The following MZT2A variants were observed in gnomAD, a reference collection of about 807,000 sequenced individuals.
MZT2A encodes mitotic-spindle organizing protein 2A.
A neutral mutation model predicts 12.4 loss-of-function variants in MZT2A; 8 were observed. The observed-to-expected ratio is 0.64, with a 90% CI of 0.38 to 1.16. The LOEUF is 1.16. Ranked by LOEUF, MZT2A falls within the 50% of genes most tolerant of loss-of-function variation. The pLI, the probability that MZT2A is intolerant of heterozygous loss-of-function variation, is 0.01. For missense variants in MZT2A, 181 were observed against 223.6 expected, an observed-to-expected ratio of 0.81 and a Z score of 1.22; for synonymous variants, 88 against 107.5, an observed-to-expected ratio of 0.82 and a Z score of 1.12.
At chr2:131,482,850 G>A (rs767879321), downstream of MZT2A, 8 of 1,612,196 alleles carry the variant, frequency 5.0e-6, no homozygotes, top group East Asian at 1.3e-4. Context: ...GAATACTGAG[G>A]GGAGGGTGTG....
downstream of MZT2A, chr2:131,480,236 G>A (rs768939800): frequency 6.2e-7 from 1 of 1,613,774 alleles, no homozygotes; most frequent in East Asian, 2.2e-5. Context: ...CCACAGCCGT[G>A]GTGGAGCCCT....
chr2:131,490,680 A>T (rs927932952), intron 2 of MZT2A: 1 of 1,549,340 alleles, frequency 6.5e-7, no homozygotes, highest in Non-Finnish European at 8.7e-7. Context: ...AAGGAAGAGC[A>T]CCAACCCCCA....
At chr2:131,478,834 A>G (rs568200733) in intron 2 of MZT2A, 2 of 214,256 alleles carry the variant, frequency 9.3e-6, no homozygotes, top group African/African-American at 4.6e-5. Flanking sequence ...AAGGAGAGCT[A>G]CAAAGAGGCA....
chr2:131,475,312 T>G (rs1306641620), intron 2 of MZT2A, among the ~76,000 whole-genome samples: 1 of 137,256 alleles, frequency 7.3e-6, no homozygotes, highest in African/African-American at 2.9e-5. Flanking sequence ...TTTTGCCTCC[T>G]TTCTTCCTTT....
chr2:131,480,474 C>G, downstream of MZT2A: 1 of 1,588,178 alleles, frequency 6.3e-7, no homozygotes, highest in Non-Finnish European at 8.5e-7. Flanking sequence ...CAACCTAGTG[C>G]CGTACCCCCG....
At chr2:131,493,000 G>C, upstream of MZT2A, 1 of 1,514,936 alleles carries the variant, frequency 6.6e-7, no homozygotes, top group Admixed American at 2.1e-5. Context: ...ACCTTTTGAG[G>C]TAACGGCCCA....
chr2:131,486,770 A>T (rs1167647924), intron 2 of MZT2A, among the ~76,000 whole-genome samples: 4 of 152,062 alleles, frequency 2.6e-5, no homozygotes, highest in Non-Finnish European at 5.9e-5. Context: ...GACTACAAGC[A>T]TGGGGCCACA....
chr2:131,483,840 G>C (rs1490828659), downstream of MZT2A: 6 of 1,060,204 alleles, frequency 5.7e-6, no homozygotes, highest in Non-Finnish European at 6.1e-6. Context: ...TCAGGTTCAG[G>C]AAGTTGACCC....
At chr2:131,471,139 C>T (rs1278565189) in intron 3 of MZT2A, among the ~76,000 whole-genome samples, 2 of 138,788 alleles carry the variant, frequency 1.4e-5, no homozygotes, top group Non-Finnish European at 3.0e-5. Flanking sequence ...GGGCGGCTCC[C>T]ACATGGGGAG....
downstream of MZT2A, chr2:131,480,509 T>C (rs138331264): frequency 0.029 from 44,115 of 1,516,206 alleles, 7,698 homozygotes; most frequent in African/African-American, 0.24. Flanking sequence ...TGGCCACCTA[T>C]GCCCCAGTCA....
At chr2:131,493,157 G>C, upstream of MZT2A, 1 of 1,436,690 alleles carries the variant, frequency 7.0e-7, no homozygotes, top group Non-Finnish European at 9.1e-7. Flanking sequence ...GGCGCGGGAC[G>C]CGCGCGTGAG....
chr2:131,490,063 C>T (rs777276839), intron 2 of MZT2A: 3 of 859,468 alleles, frequency 3.5e-6, no homozygotes, highest in Non-Finnish European at 4.2e-6. Context: ...TTCAGGCCCT[C>T]TCCACCCTCT....
At chr2:131,480,621 G>A (rs1678827406), downstream of MZT2A, 10 of 1,613,568 alleles carry the variant, frequency 6.2e-6, no homozygotes, top group East Asian at 2.2e-5. Context: ...CCCTCGCCAC[G>A]GCAAGTACAT....
At chr2:131,492,796 G>GGGGGGGGGCC, upstream of MZT2A, 1 of 853,304 alleles carries the variant, frequency 1.2e-6, no homozygotes, top group Non-Finnish European at 1.7e-6. Context: ...GGGGTGGGGG[G>GGGGGGGGGCC]CACTAATCAA....
At chr2:131,488,223 C>T (rs185725333) in intron 2 of MZT2A, among the ~76,000 whole-genome samples, 218 of 152,308 alleles carry the variant, frequency 1.4e-3, no homozygotes, top group African/African-American at 4.8e-3. Context: ...ACTTTTAAAA[C>T]GTATAGTTTC....
chr2:131,485,704 G>A (rs1232666051), intron 2 of MZT2A, among the ~76,000 whole-genome samples: 1 of 152,126 alleles, frequency 6.6e-6, no homozygotes. Context: ...AGAACACCCA[G>A]CCTCAATCCT....
At position 131,472,210 on chromosome 2, in the gene MZT2A, T is replaced by A. The variant is rs763306565; in HGVS notation, c.279-28A>T. 3.1e-6 allele frequency: 4 copies of A among 1,279,010 alleles called. 1 individual carries two copies. The South Asian group carries it at 5.0e-5, about 16-fold the overall frequency. 79.2% of individuals were successfully genotyped at this position (1,279,010 alleles called of 1,614,324 possible). On this transcript the variant is annotated intron_variant and NMD_transcript_variant, in intron 2 of 4. Transcript: ENST00000427024. ...GTTTGAATATGAGCAAAAGAGGAAA[T>A]AATTTGTGTTACTTTCTGTGTAGCA...
intron 2 of MZT2A, chr2:131,478,706 G>A (rs541665886): frequency 3.5e-5 from 16 of 461,714 alleles, no homozygotes; most frequent in African/African-American, 2.7e-4. Flanking sequence ...GTTCCCTCCC[G>A]AATGCTGTGC....
At position 131,484,121 on chromosome 2, in the gene MZT2A, G is replaced by T. The variant is rs773905764; in HGVS notation, c.417C>A (p.Ser139Arg). 3 of 1,613,912 alleles carry T rather than the reference G, an allele frequency of 1.9e-6. No homozygotes were observed. The highest frequency in any genetic ancestry group is 2.2e-5 in the East Asian group (1 of 44,894). The part of the protein sequence containing the change: ...GSSQRMPRQP[S>R]ATRLPKGGGP... ...CGCCCCCCTTGGGCAGCCTGGTAGCGCTGGGCTGGCGTGGCATCCTCTGGC... is the reference window on the plus strand; with the variant it reads ...CGCCCCCCTTGGGCAGCCTGGTAGCTCTGGGCTGGCGTGGCATCCTCTGGC... Residue 139 changes from serine to arginine, a missense_variant, in exon 3 of 3, where the codon AGC (serine) becomes AGA (arginine). Around this residue, in one of 3 missense-constraint regions of MZT2A, gnomAD observed 72 missense variants for 76.9 expected, o/e 0.94. Coordinates refer to ENST00000309451, the MANE Select transcript of MZT2A (RefSeq NM_001085365.2).
Sources: allele counts gnomAD v4.1 joint callset (sites outside exome capture counted in the v4.1 genomes callset), GRCh38; gene constraint gnomAD v4.1.1; regional missense constraint gnomAD v4.1.1; transcripts MANE v1.5; gene names NCBI Gene and HGNC (gene_info 2026-07-23, HGNC 2026-07-21).